The following ABCA13 variants were observed in gnomAD, a reference collection of about 807,000 sequenced individuals.
ABCA13 encodes the protein ATP binding cassette subfamily A member 13.
A neutral mutation model predicts 478.7 loss-of-function variants in ABCA13; 476 were observed. The observed-to-expected ratio is 0.99, with a 90% CI of 0.92 to 1.07. ABCA13 has a LOEUF of 1.07. Among genes scored for constraint, ABCA13 ranks in the 50% least tolerant of loss-of-function variants. The pLI, the probability that ABCA13 is intolerant of heterozygous loss-of-function variation, is 0.00. For synonymous variants in ABCA13, 2,252 were observed against 2,158.9 expected, an observed-to-expected ratio of 1.04 and a Z score of -1.20; for missense variants, 6,060 against 5,910.6, an observed-to-expected ratio of 1.03 and a Z score of -0.83.
intron 31 of ABCA13, among the ~76,000 whole-genome samples, chr7:48,356,538 A>G (rs930688804): frequency 6.6e-6 from 1 of 151,896 alleles, no homozygotes; most frequent in Non-Finnish European, 1.5e-5. Context: ...ATAGGTGGGA[A>G]CATGGCAATT....
At chr7:48,291,033 G>A (rs1057101252) in intron 20 of ABCA13, among the ~76,000 whole-genome samples, 1 of 151,608 alleles carries the variant, frequency 6.6e-6, no homozygotes, top group African/African-American at 2.4e-5. Flanking sequence ...TTAGAAATGT[G>A]CATGTAGCTT....
chr7:48,501,749 C>T lies in ABCA13; in HGVS notation c.13292-4587C>T, dbSNP rs547747350. Among the ~76,000 whole-genome samples the T allele has an allele frequency of 2.0e-5, 3 of 152,306 alleles. No individual in the cohort carries two copies. The East Asian group carries it at 5.8e-4, about 29-fold the overall frequency. On this transcript the variant is annotated intron_variant, in intron 48 of 61. Transcript: ENST00000435803. ...CTGAAGTTCATTACGTGAAATTTATCAGCTGCTCTCTTCTGCTGTCATAGT... is the reference window on the plus strand; with the variant it reads ...CTGAAGTTCATTACGTGAAATTTATTAGCTGCTCTCTTCTGCTGTCATAGT...
At chr7:48,413,480 CTTGTTTGGGGTTCTTG>C (rs1819549415) in intron 41 of ABCA13, among the ~76,000 whole-genome samples, 1 of 152,088 alleles carries the variant, frequency 6.6e-6, no homozygotes, top group Non-Finnish European at 1.5e-5. Context: ...TGAGGCATGC[CTTGTTTGGGGTTCTTG>C]AGGTTGGCTC....
chr7:48,599,381 T>TA (rs1441673600), intron 58 of ABCA13, among the ~76,000 whole-genome samples: 1 of 152,022 alleles, frequency 6.6e-6, no homozygotes, highest in Non-Finnish European at 1.5e-5. Context: ...GTTTTTTTTT[T>TA]ATAAAACACC....
At chr7:48,205,629 G>A (rs1000248060) in intron 3 of ABCA13, among the ~76,000 whole-genome samples, 1 of 152,100 alleles carries the variant, frequency 6.6e-6, no homozygotes, top group Non-Finnish European at 1.5e-5. Flanking sequence ...AAATATTATT[G>A]GGATTTTTAT....
chr7:48,402,663 C>G (rs1817767674), intron 38 of ABCA13, among the ~76,000 whole-genome samples: 1 of 152,202 alleles, frequency 6.6e-6, no homozygotes, highest in Admixed American at 6.5e-5. Context: ...ACTTAGTCAT[C>G]AGGCAGAAAA....
chr7:48,379,252 C>G (rs1813969198), intron 35 of ABCA13, among the ~76,000 whole-genome samples: 1 of 152,188 alleles, frequency 6.6e-6, no homozygotes, highest in Non-Finnish European at 1.5e-5. Flanking sequence ...TTCTTTTCCA[C>G]TTTGACAAAG....
At chr7:48,614,858 G>C (rs1265430432) in intron 58 of ABCA13, among the ~76,000 whole-genome samples, 2 of 135,216 alleles carry the variant, frequency 1.5e-5, no homozygotes, top group Non-Finnish European at 3.1e-5. Context: ...ACACAGGAAA[G>C]GGAACATCAC....
At chr7:48,309,318 A>T (rs771128346) in intron 23 of ABCA13, among the ~76,000 whole-genome samples, 1 of 152,138 alleles carries the variant, frequency 6.6e-6, no homozygotes, top group Non-Finnish European at 1.5e-5. Context: ...GTAATTTGGC[A>T]TATCACAAAT....
chr7:48,495,654 A>C (rs1387996830), intron 48 of ABCA13, among the ~76,000 whole-genome samples: 1 of 152,154 alleles, frequency 6.6e-6, no homozygotes, highest in Non-Finnish European at 1.5e-5. Flanking sequence ...CTGAGAGGCG[A>C]GTAGTAAAGT....
At chr7:48,512,951 A>G (rs1017807739) in intron 51 of ABCA13, among the ~76,000 whole-genome samples, 15 of 152,204 alleles carry the variant, frequency 9.9e-5, no homozygotes, top group South Asian at 4.1e-4. Context: ...GCCCCCAAGG[A>G]AAGTTTATCA....
chr7:48,338,531 G>A (rs1806631709), intron 29 of ABCA13, 76 bp downstream of exon 29: 2 of 1,103,608 alleles, frequency 1.8e-6, no homozygotes, highest in Non-Finnish European at 2.5e-6. Flanking sequence ...TCCCCCTTGG[G>A]CCATGGCATT....
rs182500282 is a variant in ABCA13 at position 48,609,251 on chromosome 7, C to T, written c.14745-6034C>T. Among the ~76,000 whole-genome samples the T allele has an allele frequency of 3.1e-3, 475 of 152,210 alleles. 12 individuals are homozygous for T. The highest frequency in any genetic ancestry group is 0.031 in the Admixed American group (468 of 15,292). On this transcript the variant is annotated intron_variant, in intron 58 of 61. Transcript: ENST00000435803. ...AATTATTAGATTGTTCTCAGAAAGACTGCATATCATTGCAATTTCTCTTTT... is the reference window on the plus strand; with the variant it reads ...AATTATTAGATTGTTCTCAGAAAGATTGCATATCATTGCAATTTCTCTTTT...
chr7:48,499,837 T>C (rs1250888146), intron 48 of ABCA13, among the ~76,000 whole-genome samples: 1 of 152,170 alleles, frequency 6.6e-6, no homozygotes, highest in East Asian at 1.9e-4. Context: ...ACCAACATCA[T>C]TGTCTCAAGA....
chr7:48,298,547 A>G, intron 23 of ABCA13, 60 bp downstream of exon 23: 1 of 1,571,228 alleles, frequency 6.4e-7, no homozygotes, highest in Non-Finnish European at 8.6e-7. Flanking sequence ...GCCTGAAGTC[A>G]CTGGCACTGT....
intron 55 of ABCA13, among the ~76,000 whole-genome samples, chr7:48,567,628 A>T (rs34371536): frequency 0.053 from 8,120 of 152,158 alleles, 240 homozygotes; most frequent in South Asian, 0.085. Flanking sequence ...CTCATAAATC[A>T]TAAATATATG....
intron 11 of ABCA13, among the ~76,000 whole-genome samples, chr7:48,245,177 G>A (rs1562868068): frequency 6.6e-6 from 1 of 152,204 alleles, no homozygotes; most frequent in East Asian, 1.9e-4. Flanking sequence ...ACTATGGTGA[G>A]CATTATTCTT....
At chr7:48,493,697 A>G (rs1830032802) in intron 48 of ABCA13, among the ~76,000 whole-genome samples, 2 of 152,240 alleles carry the variant, frequency 1.3e-5, no homozygotes, top group African/African-American at 4.8e-5. Context: ...TGTCATGAAC[A>G]AGCCAGATCC....
intron 55 of ABCA13, among the ~76,000 whole-genome samples, chr7:48,540,539 A>G (rs924777905): frequency 5.9e-5 from 9 of 152,162 alleles, no homozygotes; most frequent in African/African-American, 9.6e-5. Flanking sequence ...TAGCAGCACA[A>G]TGGAATTTTT....
Sources: gnomAD v4.1 joint callset for allele counts (sites outside exome capture counted in the v4.1 genomes callset) on GRCh38, gnomAD v4.1.1 for gene constraint, MANE v1.5 for transcripts, NCBI Gene and HGNC (gene_info 2026-07-23, HGNC 2026-07-21) for gene names.